Variants in TP73 observed in about 807,000 individuals in gnomAD.
The protein encoded by TP73 is tumor protein p73.
In TP73, 25 loss-of-function variants were observed where a neutral mutation model predicts 62.5. The observed-to-expected ratio is 0.40, with a 90% confidence interval of 0.29 to 0.56. TP73 has a LOEUF of 0.56. Among genes scored for constraint, TP73 ranks in the 20% least tolerant of loss-of-function variants. The pLI is 0.46. For missense variants in TP73, 754 were observed against 913.3 expected (o/e 0.83, Z 2.25); for synonymous variants, 423 against 377.5 (o/e 1.12, Z -1.40).
intron 1 of TP73, among the ~76,000 whole-genome samples, chr1:3,667,574 C>T (rs1296658233): frequency 1.3e-5 from 2 of 151,910 alleles, no homozygotes; most frequent in East Asian, 3.9e-4. Context: ...CATGGTGAAA[C>T]CCCGTTTCTA....
intron 5 of TP73, among the ~76,000 whole-genome samples, chr1:3,722,736 T>C (rs1570606357): frequency 7.4e-6 from 1 of 135,126 alleles, no homozygotes; most frequent in African/African-American, 2.6e-5. Flanking sequence ...GGCACCTCTC[T>C]TCACCTGGCA....
At chr1:3,707,910 A>ACCTGG (rs1639808584) in intron 4 of TP73, 119 bp downstream of exon 4, 1 of 1,453,078 alleles carries the variant, frequency 6.9e-7, no homozygotes, top group Non-Finnish European at 9.1e-7. Context: ...CGGGGTTCCC[A>ACCTGG]CCTGGCCCGG....
chr1:3,730,733 G>A (rs1040950832), intron 11 of TP73, among the ~76,000 whole-genome samples, 194 bp from the exon 12 acceptor site: 2 of 152,222 alleles, frequency 1.3e-5, no homozygotes, highest in Non-Finnish European at 2.9e-5. Flanking sequence ...GTCCCTACTA[G>A]GCGGGGCGAG....
intron 3 of TP73, among the ~76,000 whole-genome samples, chr1:3,685,110 AC>A (rs1262062278): frequency 6.6e-6 from 1 of 151,912 alleles, no homozygotes; most frequent in Non-Finnish European, 1.5e-5. Flanking sequence ...CCACCTCCCA[AC>A]CCCAAGTTGC....
Position 3,701,356 on chromosome 1 carries a change from C to T in TP73, c.187-6193C>T, listed in dbSNP as rs577501399. 5.3e-5 allele frequency among the ~76,000 whole-genome samples: 8 copies of T among 152,232 alleles called. 1 individual carries two copies. The highest frequency in any genetic ancestry group is 7.2e-5 in the African/African-American group (3 of 41,528). ...TCCTGGCTGGGTTTTTGTGCCAAGG[C>T]GTGGAGGTCATGCCTCGTGCATGGG... On this transcript the variant is annotated intron_variant, in intron 3 of 13. Coordinates refer to ENST00000378295, the MANE Select transcript of TP73 (RefSeq NM_005427.4). The surrounding 1 kb of genome is among the most constrained non-coding windows in gnomAD (Gnocchi z 4.7).
rs1645253039 is a variant in TP73 at position 3,672,023 on chromosome 1, G to C, written c.-33-10310G>C. ...GAGGGACGCATGACAAGTTCAGGGA[G>C]TTGACAGCTGTCTGGAAGGGCACGT... On this transcript the variant is annotated intron_variant, in intron 1 of 13. Transcript: ENST00000378295. This position sits in a 1 kb window ranked among gnomAD's most constrained non-coding sequence, Gnocchi z 5.3. Among the ~76,000 whole-genome samples the C allele has an allele frequency of 6.6e-6, 1 of 152,186 alleles. No individual in the cohort carries two copies. The highest frequency in any genetic ancestry group is 6.5e-5 in the Admixed American group (1 of 15,290).
At chr1:3,688,440 T>C (rs189529772) in intron 3 of TP73, among the ~76,000 whole-genome samples, 137 of 152,318 alleles carry the variant, frequency 9.0e-4, no homozygotes, top group African/African-American at 3.1e-3. Context: ...CCCCTCCCAC[T>C]AACTGGTTCC....
intron 4 of TP73, chr1:3,712,517 G>GCCC (rs1002210967): frequency 1.3e-5 from 2 of 152,278 alleles, no homozygotes; most frequent in African/African-American, 4.8e-5. Flanking sequence ...GGGTCCTGCT[G>GCCC]CCCCACCCCA....
chr1:3,686,692 C>T (rs1211997263), intron 3 of TP73, among the ~76,000 whole-genome samples: 5 of 152,196 alleles, frequency 3.3e-5, no homozygotes, highest in African/African-American at 1.2e-4. Flanking sequence ...GAAACAGACC[C>T]CGTGGTCACT....
At chr1:3,719,932 G>GTA (rs1640935568) in intron 4 of TP73, among the ~76,000 whole-genome samples, 2 of 150,516 alleles carry the variant, frequency 1.3e-5, no homozygotes, top group Non-Finnish European at 3.0e-5. Flanking sequence ...GTGTGTGTGT[G>GTA]TGTGACGGAT....
chr1:3,709,259 AG>A (rs1312845796), intron 4 of TP73, among the ~76,000 whole-genome samples: 2 of 152,038 alleles, frequency 1.3e-5, no homozygotes, highest in Admixed American at 6.5e-5. Context: ...GCTTGATGGG[AG>A]GGGGCTCTGT....
At chr1:3,658,727 GCTC>G (rs2102002953) in intron 1 of TP73, among the ~76,000 whole-genome samples, 1 of 152,318 alleles carries the variant, frequency 6.6e-6, no homozygotes, top group South Asian at 2.1e-4. Flanking sequence ...GTTGCTTTTA[GCTC>G]AAAGTAATCA....
chr1:3,682,956 C>A, intron 2 of TP73, 104 bp from the exon 3 acceptor site: 1 of 1,452,184 alleles, frequency 6.9e-7, no homozygotes. Flanking sequence ...GAGACGTAGG[C>A]CTCACCAGGA....
chr1:3,686,171 G>A (rs553176634), intron 3 of TP73, among the ~76,000 whole-genome samples: 50 of 152,236 alleles, frequency 3.3e-4, no homozygotes, highest in Non-Finnish European at 6.0e-4. Context: ...CAGCAAAGGG[G>A]CCTCAGCTCG....
chr1:3,702,370 T>G (rs926822938), intron 3 of TP73, among the ~76,000 whole-genome samples: 21 of 152,202 alleles, frequency 1.4e-4, no homozygotes, highest in Middle Eastern at 3.4e-3. Context: ...CCCAGGGGCA[T>G]GGGTGGATCA....
intron 4 of TP73, among the ~76,000 whole-genome samples, chr1:3,711,909 G>A (rs1183214016): frequency 6.6e-6 from 1 of 151,996 alleles, no homozygotes; most frequent in Non-Finnish European, 1.5e-5. Context: ...GGGAGAGCTG[G>A]CTCCACGGGT....
chr1:3,686,077 C>T (rs1179241575), intron 3 of TP73, among the ~76,000 whole-genome samples: 1 of 152,240 alleles, frequency 6.6e-6, no homozygotes, highest in Non-Finnish European at 1.5e-5. Flanking sequence ...CCACCTGCCC[C>T]TGGCGGCTCC....
At chr1:3,703,659 G>A (rs917038837) in intron 3 of TP73, among the ~76,000 whole-genome samples, 1 of 152,252 alleles carries the variant, frequency 6.6e-6, no homozygotes, top group Admixed American at 6.5e-5. Flanking sequence ...GTTGTCGTGG[G>A]TCTGCATCCT....
rs1639200616 is a variant in TP73, at chr1:3,701,895, G to A, written c.187-5654G>A. ...CGATGGGCCAGGTTACACAGGTGGA[G>A]CTGAGACTTGGCCCCAGGACTCCTG... On this transcript the variant is annotated intron_variant, in intron 3 of 13. Coordinates refer to ENST00000378295, the MANE Select transcript of TP73 (RefSeq NM_005427.4). This position sits in a 1 kb window ranked among gnomAD's most constrained non-coding sequence, Gnocchi z 4.7. Among the ~76,000 whole-genome samples, 1 of 152,228 alleles carries A rather than the reference G, an allele frequency of 6.6e-6. No individual in the cohort carries two copies. Among genetic ancestry groups the A allele is most frequent in the Non-Finnish European group, 1.5e-5 (1 of 68,044 alleles).
Sources: allele counts gnomAD v4.1 joint callset (sites outside exome capture counted in the v4.1 genomes callset), GRCh38; gene constraint gnomAD v4.1.1; non-coding constraint Gnocchi (gnomAD v3.1); transcripts MANE v1.5; gene names NCBI Gene and HGNC (gene_info 2026-07-23, HGNC 2026-07-21).